The following RABL3 variants were observed in gnomAD, a reference collection of about 807,000 sequenced individuals.
RABL3 encodes rab-like protein 3.
In RABL3, 31 loss-of-function variants were observed where a neutral mutation model predicts 31.8. The ratio of observed to expected loss-of-function variants is 0.97; its 90% CI spans 0.73 to 1.31. RABL3 has a LOEUF of 1.31. Among genes scored for constraint, RABL3 ranks in the 40% most tolerant of loss-of-function variants. RABL3 has a pLI of 0.00. For synonymous variants in RABL3, 97 were observed against 99.9 expected (o/e 0.97, Z 0.18); for missense variants, 263 against 279.6 (o/e 0.94, Z 0.42).
chr3:120,695,381 C>T (rs898250945), intron 5 of RABL3, among the ~76,000 whole-genome samples: 11 of 152,074 alleles, frequency 7.2e-5, no homozygotes, highest in African/African-American at 2.7e-4. Flanking sequence ...GAATATCCAT[C>T]CCAACATTTC....
At chr3:120,741,436 T>C (rs1347004558) in intron 1 of RABL3, among the ~76,000 whole-genome samples, 1 of 152,214 alleles carries the variant, frequency 6.6e-6, no homozygotes, top group Non-Finnish European at 1.5e-5. Context: ...TTTTCAAGCC[T>C]CTCCACCTCC....
intron 1 of RABL3, among the ~76,000 whole-genome samples, chr3:120,733,767 T>C (rs1347846570): frequency 1.3e-5 from 2 of 152,200 alleles, no homozygotes; most frequent in Non-Finnish European, 2.9e-5. Flanking sequence ...TTCAGCTTTC[T>C]ACATATGGCT....
chr3:120,725,404 C>G (rs1708805885), intron 2 of RABL3, among the ~76,000 whole-genome samples: 1 of 152,282 alleles, frequency 6.6e-6, no homozygotes, highest in South Asian at 2.1e-4. Context: ...CCTCAGGGAT[C>G]TAGAACTAGA....
intron 4 of RABL3, among the ~76,000 whole-genome samples, chr3:120,702,526 G>A (rs11714216): frequency 0.22 from 33,173 of 151,758 alleles, 4,561 homozygotes; most frequent in Non-Finnish European, 0.3. Flanking sequence ...GGTTGGGAAC[G>A]CCTGCTTACA....
At chr3:120,717,202 G>A (rs546621052) in intron 2 of RABL3, among the ~76,000 whole-genome samples, 40 of 150,408 alleles carry the variant, frequency 2.7e-4, no homozygotes, top group African/African-American at 8.3e-4. Flanking sequence ...GTTGTAGTGA[G>A]CCAAAATTAT....
At chr3:120,740,823 C>G (rs1024112144) in intron 1 of RABL3, among the ~76,000 whole-genome samples, 1 of 152,172 alleles carries the variant, frequency 6.6e-6, no homozygotes, top group African/African-American at 2.4e-5. Context: ...ACTTTCCTGG[C>G]CATCACAGCT....
At chr3:120,701,768 G>A (rs898454882) in intron 4 of RABL3, among the ~76,000 whole-genome samples, 2 of 152,100 alleles carry the variant, frequency 1.3e-5, no homozygotes, top group East Asian at 1.9e-4. Flanking sequence ...AGAAAACAAA[G>A]CCTTTGAAAG....
At chr3:120,690,752 T>C (rs1281236655) in intron 6 of RABL3, among the ~76,000 whole-genome samples, 1 of 152,180 alleles carries the variant, frequency 6.6e-6, no homozygotes, top group Admixed American at 6.5e-5. Flanking sequence ...AATGATAGAA[T>C]GATATAAGAT....
rs149521905 is a variant in RABL3, at chr3:120,723,662, G to A, written c.138+7034C>T. 5.5e-4 allele frequency among the ~76,000 whole-genome samples: 83 copies of A among 152,224 alleles called. 2 individuals carry two copies. The highest frequency in any genetic ancestry group is 1.9e-3 in the African/African-American group (78 of 41,542). ...GTTCAACATACGCAAATCAATAAAC[G>A]TAATCCAGCATATAAACAGAACCAA... On this transcript the variant is annotated intron_variant, in intron 2 of 7. Transcript: ENST00000273375.
intron 3 of RABL3, among the ~76,000 whole-genome samples, chr3:120,707,451 A>G (rs1326559924): frequency 6.6e-6 from 1 of 152,172 alleles, no homozygotes; most frequent in Non-Finnish European, 1.5e-5. Flanking sequence ...TACATGTGTT[A>G]TCTAATTTAA....
chr3:120,689,847 T>C lies in RABL3; in HGVS notation c.687A>G (p.Thr229=). The C allele has an allele frequency of 6.2e-7, 1 of 1,613,316 alleles. No individual in the cohort carries two copies. The highest frequency in any genetic ancestry group is 8.5e-7 in the Non-Finnish European group (1 of 1,179,378). Residue 229 remains threonine, a synonymous_variant, in exon 8 of 8, where the codon ACA becomes ACG. Coordinates refer to ENST00000273375, the MANE Select transcript of RABL3 (RefSeq NM_173825.5). ...FPDRKRFGAG[T]LKSLHYD ...TTCAGTCATAATGAAGGCTCTTTAATGTTCCTGCCCCAAATCTTTTCCGAT... is the reference window on the plus strand; with the variant it reads ...TTCAGTCATAATGAAGGCTCTTTAACGTTCCTGCCCCAAATCTTTTCCGAT...
At chr3:120,699,199 C>T (rs1406955223) in intron 4 of RABL3, among the ~76,000 whole-genome samples, 1 of 152,010 alleles carries the variant, frequency 6.6e-6, no homozygotes, top group Non-Finnish European at 1.5e-5. Flanking sequence ...GGATTAAACA[C>T]ATGGAAATGG....
At chr3:120,698,229 T>G (rs1318543029) in intron 5 of RABL3, among the ~76,000 whole-genome samples, 194 bp downstream of exon 5, 1 of 152,182 alleles carries the variant, frequency 6.6e-6, no homozygotes, top group Non-Finnish European at 1.5e-5. Flanking sequence ...CAGACCAACA[T>G]AAAAGGCTGA....
intron 2 of RABL3, among the ~76,000 whole-genome samples, chr3:120,715,757 C>G (rs1464231449): frequency 6.6e-6 from 1 of 150,658 alleles, no homozygotes; most frequent in Non-Finnish European, 1.5e-5. Context: ...TAATACTGTT[C>G]TGGAACAAGA....
At chr3:120,721,012 C>G (rs563329169) in intron 2 of RABL3, among the ~76,000 whole-genome samples, 22 of 152,284 alleles carry the variant, frequency 1.4e-4, no homozygotes, top group East Asian at 3.9e-4. Flanking sequence ...CAAGCCAGAA[C>G]AGAGTGGGGG....
intron 2 of RABL3, among the ~76,000 whole-genome samples, chr3:120,716,900 T>C (rs1708676917): frequency 6.6e-6 from 1 of 152,166 alleles, no homozygotes; most frequent in South Asian, 2.1e-4. Context: ...CAACTTAAGG[T>C]TATCATTTAA....
At chr3:120,713,808 C>CT (rs61372023) in intron 2 of RABL3, among the ~76,000 whole-genome samples, 36,369 of 121,656 alleles carry the variant, frequency 0.3, 7,337 homozygotes, top group East Asian at 0.8. Flanking sequence ...TTGTCTGTAA[C>CT]TTTTTTTTTT....
At chr3:120,691,478 AT>A (rs1708379558) in intron 6 of RABL3, among the ~76,000 whole-genome samples, 1 of 152,196 alleles carries the variant, frequency 6.6e-6, no homozygotes, top group Non-Finnish European at 1.5e-5. Flanking sequence ...TACATGAGCC[AT>A]TCACAACTTT....
chr3:120,685,915 T>A lies in RABL3; in HGVS notation c.*3908A>T, dbSNP rs1047854195. ...GAGAGAGGAAATCGTGGAATCTGCA[T>A]TTTCAGCAAGCACTTCAGGGGATTC... On this transcript the variant is annotated 3_prime_UTR_variant, in exon 8 of 8. Coordinates refer to ENST00000273375, the MANE Select transcript of RABL3 (RefSeq NM_173825.5). 6.6e-6 allele frequency among the ~76,000 whole-genome samples: 1 copy of A among 152,182 alleles called. No individual in the cohort carries two copies. Among genetic ancestry groups the A allele is most frequent in the Non-Finnish European group, 1.5e-5 (1 of 68,042 alleles).
Sources: gnomAD v4.1 joint callset for allele counts (sites outside exome capture counted in the v4.1 genomes callset) on GRCh38, gnomAD v4.1.1 for gene constraint, MANE v1.5 for transcripts, NCBI Gene and HGNC (gene_info 2026-07-23, HGNC 2026-07-21) for gene names.